Variants in ARMC8 observed in about 807,000 individuals in gnomAD.
The protein encoded by ARMC8 is armadillo repeat containing 8.
ARMC8 carries 20 observed loss-of-function variants against 99.3 expected under a neutral mutation model. The ratio of observed to expected loss-of-function variants is 0.20; its 90% CI spans 0.14 to 0.29. ARMC8 has a LOEUF of 0.29. ARMC8 is among the 10% of genes least tolerant of loss of function. The pLI, the probability that ARMC8 is intolerant of heterozygous loss-of-function variation, is 1.00. For missense variants in ARMC8, 569 were observed against 809.5 expected, an observed-to-expected ratio of 0.70 and a Z score of 3.60; for synonymous variants, 263 against 278.3, an observed-to-expected ratio of 0.95 and a Z score of 0.55.
intron 1 of ARMC8, among the ~76,000 whole-genome samples, chr3:138,207,795 G>A (rs1014435966): frequency 2.0e-5 from 3 of 152,162 alleles, no homozygotes; most frequent in South Asian, 2.1e-4. Context: ...TTTGTAAACC[G>A]AGGGATTGAG....
rs1390194485 is a variant in ARMC8 at position 138,296,544 on chromosome 3, A to G, written c.*652A>G. 1 of 151,614 alleles carries G rather than the reference A, an allele frequency of 6.6e-6. No homozygotes were observed. Among genetic ancestry groups the G allele is most frequent in the African/African-American group, 2.4e-5 (1 of 40,978 alleles). The allele number at this position is 151,614 out of a possible 1,614,324, so 9.4% of individuals were successfully genotyped here. On this transcript the variant is annotated 3_prime_UTR_variant, in exon 22 of 22. Transcript: ENST00000469044. ...ACTTACATAGATTTTCTTTATATAAAAAAAAAGAAAAAAAAAGAAAAAGTT... is the reference window on the plus strand; with the variant it reads ...ACTTACATAGATTTTCTTTATATAAGAAAAAAGAAAAAAAAAGAAAAAGTT...
chr3:138,244,304 G>T (rs943908791), intron 11 of ARMC8, among the ~76,000 whole-genome samples: 1 of 151,832 alleles, frequency 6.6e-6, no homozygotes, highest in African/African-American at 2.4e-5. Context: ...TTGAGATGTA[G>T]TCTCGCTCTG....
intron 1 of ARMC8, among the ~76,000 whole-genome samples, chr3:138,206,228 T>C (rs1415358350): frequency 6.6e-6 from 1 of 152,228 alleles, no homozygotes; most frequent in African/African-American, 2.4e-5. Flanking sequence ...TTCCAAATCA[T>C]TCTTAAAAGT....
chr3:138,204,513 T>C (rs1317542223), intron 1 of ARMC8, among the ~76,000 whole-genome samples: 2 of 152,194 alleles, frequency 1.3e-5, no homozygotes, highest in Non-Finnish European at 2.9e-5. Flanking sequence ...TGAAAAGCCT[T>C]CTTTCAAGGT....
At chr3:138,231,605 A>G (rs1052556551) in intron 6 of ARMC8, among the ~76,000 whole-genome samples, 1 of 152,118 alleles carries the variant, frequency 6.6e-6, no homozygotes, top group Non-Finnish European at 1.5e-5. Flanking sequence ...TTCTGAGCCT[A>G]TTTTTTGGAG....
Position 138,244,341 on chromosome 3 carries a change from G to C in ARMC8, c.1039-747G>C, listed in dbSNP as rs553147988. On this transcript the variant is annotated intron_variant, in intron 11 of 21. Transcript: ENST00000469044. ...TGCCCAGGCTAGAGTGCAGTGGCGC[G>C]ATCTCGGCTCACTACAACCTCTGCC... 1.1e-4 allele frequency among the ~76,000 whole-genome samples: 16 copies of C among 152,084 alleles called. No individual in the cohort carries two copies. In the South Asian group the frequency reaches 3.1e-3, roughly 30 times the overall value.
Position 138,187,538 on chromosome 3 carries a change from G to T in ARMC8, c.-17G>T. 1.3e-6 allele frequency: 2 copies of T among 1,535,620 alleles called. No individual in the cohort carries two copies. The highest frequency in any genetic ancestry group is 1.7e-6 in the Non-Finnish European group (2 of 1,146,552). On this transcript the variant is annotated 5_prime_UTR_variant, in exon 1 of 22. Coordinates refer to ENST00000469044, the MANE Select transcript of ARMC8 (RefSeq NM_001363941.2). ...CCCCGCGCCGGCGCCTGCAGCAGCC[G>T]GGTGGGAAGGCTCAAGATGGCGTGC...
intron 18 of ARMC8, among the ~76,000 whole-genome samples, chr3:138,277,916 A>T (rs1366483864): frequency 1.3e-5 from 2 of 152,216 alleles, no homozygotes; most frequent in Non-Finnish European, 2.9e-5. Context: ...TCACAGTCAC[A>T]ATAAAGAGGG....
chr3:138,262,713 C>T lies in ARMC8; in HGVS notation c.1135-1026C>T, dbSNP rs552864743. The T allele has an allele frequency of 2.5e-4, 248 of 972,642 alleles. 1 individual carries two copies. In the African/African-American group the frequency reaches 3.8e-3, roughly 15 times the overall value. 60.3% of individuals were successfully genotyped at this position (972,642 alleles called of 1,614,324 possible). On this transcript the variant is annotated intron_variant, in intron 12 of 21. Transcript: ENST00000469044. ...AAAAAAATCTCCCCAGGTAATTCTTCTGCAAGGACAACCAAGGTTAAGATC... is the reference window on the plus strand; with the variant it reads ...AAAAAAATCTCCCCAGGTAATTCTTTTGCAAGGACAACCAAGGTTAAGATC...
chr3:138,278,945 A>G (rs72973084), intron 18 of ARMC8, among the ~76,000 whole-genome samples: 6,746 of 152,286 alleles, frequency 0.044, 239 homozygotes, highest in South Asian at 0.093. Context: ...TGAATTACTT[A>G]AAATTTTCAA....
intron 15 of ARMC8, among the ~76,000 whole-genome samples, chr3:138,269,737 A>G (rs1349762681): frequency 6.6e-6 from 1 of 152,110 alleles, no homozygotes; most frequent in Non-Finnish European, 1.5e-5. Context: ...TGTGAAATGT[A>G]CAGATAACTA....
intron 12 of ARMC8, chr3:138,262,507 T>C (rs1283265960): frequency 1.9e-6 from 3 of 1,603,616 alleles, no homozygotes; most frequent in South Asian, 1.1e-5. Flanking sequence ...CACTCTCTCA[T>C]GTTCTAAGGT....
intron 11 of ARMC8, among the ~76,000 whole-genome samples, chr3:138,244,177 A>G (rs1424196214): frequency 6.6e-6 from 1 of 152,182 alleles, no homozygotes; most frequent in East Asian, 1.9e-4. Context: ...TAAATCTCAG[A>G]TAACTGTAAT....
At chr3:138,270,634 G>A (rs2048702772) in intron 16 of ARMC8, among the ~76,000 whole-genome samples, 2 of 152,082 alleles carry the variant, frequency 1.3e-5, no homozygotes, top group East Asian at 1.9e-4. Flanking sequence ...TAGATTGTGG[G>A]ATGGCTAATT....
At chr3:138,231,442 G>A (rs2046021934) in intron 6 of ARMC8, among the ~76,000 whole-genome samples, 1 of 152,054 alleles carries the variant, frequency 6.6e-6, no homozygotes, top group Admixed American at 6.6e-5. Context: ...GAGGGAAAAA[G>A]GGAGAGCTCA....
chr3:138,237,594 GAAGA>G (rs2046397311), intron 9 of ARMC8, 22 bp downstream of exon 9: 3 of 1,592,788 alleles, frequency 1.9e-6, no homozygotes, highest in Non-Finnish European at 2.6e-6. Context: ...GACAATGTGG[GAAGA>G]AAGACAGTGC....
intron 2 of ARMC8, among the ~76,000 whole-genome samples, chr3:138,216,457 G>C (rs921601468): frequency 2.0e-5 from 3 of 152,104 alleles, no homozygotes; most frequent in Admixed American, 2.0e-4. Flanking sequence ...GGAATTCATT[G>C]TCATATAACT....
At position 138,235,031 on chromosome 3, in the gene ARMC8, C is replaced by G; in HGVS notation, c.529-3C>G. On this transcript the variant is annotated splice_region_variant and splice_polypyrimidine_tract_variant and intron_variant, in intron 6 of 21. Transcript: ENST00000469044. ...TATATTGTTGTATTCTTTTTTCTTA[C>G]AGGGGCCAGATCATCAAACAATTTT... The G allele has an allele frequency of 6.2e-7, 1 of 1,610,680 alleles. No individual in the cohort carries two copies. The highest frequency in any genetic ancestry group is 8.5e-7 in the Non-Finnish European group (1 of 1,177,762).
intron 1 of ARMC8, among the ~76,000 whole-genome samples, chr3:138,208,064 C>T (rs1346292746): frequency 1.4e-5 from 2 of 147,330 alleles, no homozygotes; most frequent in South Asian, 4.2e-4. Context: ...AGTTTGAGAT[C>T]GGCCTGGGCA....
Sources: allele counts gnomAD v4.1 joint callset (sites outside exome capture counted in the v4.1 genomes callset), GRCh38; gene constraint gnomAD v4.1.1; transcripts MANE v1.5; gene names NCBI Gene and HGNC (gene_info 2026-07-23, HGNC 2026-07-21).